ACTR3C: variants seen among roughly 807,000 people sequenced by gnomAD.
The protein encoded by ACTR3C is actin related protein 3C, also known as actin-related protein 3C.
Under a neutral mutation model 26.3 loss-of-function variants are expected in ACTR3C, and 18 were observed. The observed-to-expected ratio is 0.68, with a 90% CI of 0.47 to 1.01. ACTR3C has a LOEUF of 1.01. Ranked by LOEUF, ACTR3C falls within the 50% of genes least tolerant of loss-of-function variation. The pLI is 0.00. For missense variants in ACTR3C, 184 were observed against 250.7 expected (o/e 0.73, Z 1.80); for synonymous variants, 55 against 94.5 (o/e 0.58, Z 2.42).
chr7:150,249,546 T>C (rs1478366573), intron 6 of ACTR3C, among the ~76,000 whole-genome samples: 2 of 152,112 alleles, frequency 1.3e-5, no homozygotes, highest in Non-Finnish European at 2.9e-5. Flanking sequence ...CTGTGGCTCC[T>C]GGGTTCAAGC....
chr7:150,293,682 T>A (rs1261389124), intron 2 of ACTR3C, among the ~76,000 whole-genome samples: 1 of 152,240 alleles, frequency 6.6e-6, no homozygotes, highest in Non-Finnish European at 1.5e-5. Context: ...ATGCCTGTAA[T>A]CCCAACACTT....
the ACTR3C span, among the ~76,000 whole-genome samples, chr7:150,110,407 G>A: frequency 0.061 from 5,513 of 90,372 alleles, 11 homozygotes; most frequent in Non-Finnish European, 0.083. Flanking sequence ...GGCAGGGGCG[G>A]GACTGCTCAG....
chr7:150,041,278 C>A, the ACTR3C span: 1 of 151,032 alleles, frequency 6.6e-6, no homozygotes, highest in Non-Finnish European at 1.5e-5. Context: ...TACAAAACCC[C>A]ACAGCTCCTA....
At chr7:149,882,084 C>CAG in the ACTR3C span, 1 of 152,436 alleles carries the variant, frequency 6.6e-6, no homozygotes, top group East Asian at 1.9e-4. Context: ...TCCCATGTCG[C>CAG]TGTGGGTCAG....
At chr7:149,995,254 C>G in the ACTR3C span, among the ~76,000 whole-genome samples, 5 of 152,230 alleles carry the variant, frequency 3.3e-5, no homozygotes, top group Non-Finnish European at 5.9e-5. Context: ...TTAAACATTG[C>G]TGATCACCCC....
the ACTR3C span, among the ~76,000 whole-genome samples, chr7:150,158,386 CAT>C: frequency 5.9e-4 from 90 of 152,268 alleles, no homozygotes; most frequent in African/African-American, 2.0e-3. Flanking sequence ...ATCTCAAAGA[CAT>C]AACTGCACTC....
chr7:149,975,070 C>T, the ACTR3C span, among the ~76,000 whole-genome samples: 5 of 152,148 alleles, frequency 3.3e-5, no homozygotes, highest in African/African-American at 4.8e-5. Context: ...TATTAGACTC[C>T]GCCAAGCCCA....
At chr7:150,097,850 C>A in the ACTR3C span, among the ~76,000 whole-genome samples, 1 of 151,402 alleles carries the variant, frequency 6.6e-6, no homozygotes, top group South Asian at 2.1e-4. Context: ...TCAGTCAAAT[C>A]CACCCTCATA....
At chr7:150,048,327 C>T in the ACTR3C span, among the ~76,000 whole-genome samples, 1 of 152,084 alleles carries the variant, frequency 6.6e-6, no homozygotes, top group Non-Finnish European at 1.5e-5. Context: ...CACCCCGGCC[C>T]CTCCGCCCCC....
the ACTR3C span, among the ~76,000 whole-genome samples, chr7:150,012,240 G>A: frequency 6.6e-6 from 1 of 151,384 alleles, no homozygotes; most frequent in Non-Finnish European, 1.5e-5. Flanking sequence ...TTACTCTAGG[G>A]ATAATGAAGC....
chr7:150,286,546 TAC>T lies in ACTR3C; in HGVS notation c.298-8_298-7del. 2 of 1,608,120 alleles carry T rather than the reference TAC, an allele frequency of 1.2e-6. No homozygotes were observed. Among genetic ancestry groups the T allele is most frequent in the Non-Finnish European group, 1.7e-6 (2 of 1,178,546 alleles). Reference sequence around the variant, plus strand: ...CAAATGTAACAGTATTTCTCCTGCATACACACACAAAGATGTTGCCAGGCATT... The same window carrying T: ...CAAATGTAACAGTATTTCTCCTGCATACACACAAAGATGTTGCCAGGCATT... On this transcript the variant is annotated splice_region_variant and splice_polypyrimidine_tract_variant and intron_variant, in intron 4 of 7. Transcript: ENST00000683684.
chr7:149,923,955 C>G, the ACTR3C span, among the ~76,000 whole-genome samples: 1 of 151,800 alleles, frequency 6.6e-6, no homozygotes, highest in Non-Finnish European at 1.5e-5. Context: ...CGACATCACG[C>G]CACTGCACTC....
intron 1 of ACTR3C, among the ~76,000 whole-genome samples, chr7:150,299,826 G>A (rs867402318): frequency 2.6e-5 from 4 of 152,044 alleles, no homozygotes; most frequent in South Asian, 4.2e-4. Context: ...GAAATAATGG[G>A]GACTCGTTCA....
the ACTR3C span, among the ~76,000 whole-genome samples, chr7:149,958,104 T>G: frequency 6.6e-6 from 1 of 152,116 alleles, no homozygotes; most frequent in African/African-American, 2.4e-5. Flanking sequence ...GGTTGTCTTG[T>G]CCAATTAATA....
At chr7:150,010,509 C>T in the ACTR3C span, among the ~76,000 whole-genome samples, 1 of 152,074 alleles carries the variant, frequency 6.6e-6, no homozygotes, top group African/African-American at 2.4e-5. Context: ...TCCTGGCCAA[C>T]ATGGTGAAAC....
the ACTR3C span, among the ~76,000 whole-genome samples, chr7:150,103,702 CA>C: frequency 2.7e-3 from 412 of 151,846 alleles, 5 homozygotes; most frequent in African/African-American, 9.4e-3. Flanking sequence ...TATTACCTTC[CA>C]AAAAAATTGC....
chr7:150,095,553 A>G, the ACTR3C span, among the ~76,000 whole-genome samples: 1 of 149,838 alleles, frequency 6.7e-6, no homozygotes, highest in East Asian at 1.9e-4. Context: ...CAGTGTATAT[A>G]CCCTTGGAGA....
chr7:150,271,010 T>C (rs971941290), intron 6 of ACTR3C, among the ~76,000 whole-genome samples: 1 of 151,172 alleles, frequency 6.6e-6, no homozygotes, highest in Non-Finnish European at 1.5e-5. Flanking sequence ...CACAACACCA[T>C]CAACACAGCA....
the ACTR3C span, among the ~76,000 whole-genome samples, chr7:149,999,606 T>G: frequency 6.6e-6 from 1 of 151,586 alleles, no homozygotes; most frequent in South Asian, 2.1e-4. Context: ...GGATATGTAG[T>G]TGGCTGGTTC....
Sources: allele counts gnomAD v4.1 joint callset (sites outside exome capture counted in the v4.1 genomes callset), GRCh38; gene constraint gnomAD v4.1.1; transcripts MANE v1.5; gene names NCBI Gene and HGNC (gene_info 2026-07-23, HGNC 2026-07-21).